DLGAP1: variants seen among roughly 807,000 people sequenced by gnomAD.
DLGAP1 encodes DLG associated protein 1.
A neutral mutation model predicts 90.8 loss-of-function variants in DLGAP1; 11 were observed. The ratio of observed to expected loss-of-function variants is 0.12; its 90% CI spans 0.08 to 0.20. The LOEUF is 0.20. Ranked by LOEUF, DLGAP1 falls within the 10% of genes least tolerant of loss-of-function variation. DLGAP1 has a pLI of 1.00. For synonymous variants in DLGAP1, 558 were observed against 540.7 expected (o/e 1.03, Z -0.44); for missense variants, 1,050 against 1,333.8 (o/e 0.79, Z 3.31).
At chr18:4,337,682 C>G (rs2081100580) in intron 1 of DLGAP1, among the ~76,000 whole-genome samples, 1 of 151,962 alleles carries the variant, frequency 6.6e-6, no homozygotes, top group African/African-American at 2.4e-5. Flanking sequence ...AATTGACCAG[C>G]CGAAACCAAA....
At chr18:4,290,880 T>C (rs1344850653) in intron 1 of DLGAP1, among the ~76,000 whole-genome samples, 3 of 152,180 alleles carry the variant, frequency 2.0e-5, no homozygotes, top group Admixed American at 1.3e-4. Context: ...TCTGGCCACC[T>C]TGATGTGAAG....
intron 3 of DLGAP1, among the ~76,000 whole-genome samples, chr18:3,918,473 T>A (rs567323202): frequency 6.6e-6 from 1 of 151,904 alleles, no homozygotes; most frequent in Non-Finnish European, 1.5e-5. Flanking sequence ...TGAGAAGAGA[T>A]AGAAACCAAC....
intron 1 of DLGAP1, among the ~76,000 whole-genome samples, chr18:4,281,152 T>G (rs1049797430): frequency 6.6e-6 from 1 of 152,254 alleles, no homozygotes; most frequent in Non-Finnish European, 1.5e-5. Flanking sequence ...ATATGTATTT[T>G]ACGTCAATGA....
At chr18:3,802,240 C>A (rs2066339762) in intron 5 of DLGAP1, among the ~76,000 whole-genome samples, 1 of 150,642 alleles carries the variant, frequency 6.6e-6, no homozygotes, top group Non-Finnish European at 1.5e-5. Flanking sequence ...GCCTCGGCCT[C>A]CCAAAGTGTT....
At chr18:3,890,806 G>A (rs2071440115) in intron 3 of DLGAP1, among the ~76,000 whole-genome samples, 1 of 152,146 alleles carries the variant, frequency 6.6e-6, no homozygotes, top group Non-Finnish European at 1.5e-5. Context: ...ATGGCTCACT[G>A]CAGACTTGAA....
intron 1 of DLGAP1, among the ~76,000 whole-genome samples, chr18:4,325,566 A>T (rs1180848990): frequency 6.6e-6 from 1 of 152,196 alleles, no homozygotes; most frequent in African/African-American, 2.4e-5. Context: ...AGGCAATCCT[A>T]AGCAAAATAA....
chr18:4,037,672 C>T (rs1052324394), intron 2 of DLGAP1, among the ~76,000 whole-genome samples: 3 of 152,030 alleles, frequency 2.0e-5, no homozygotes, highest in African/African-American at 4.8e-5. Flanking sequence ...ATTAAATTTA[C>T]CTTTCAGCTG....
At chr18:4,204,376 C>T (rs12963210) in intron 1 of DLGAP1, among the ~76,000 whole-genome samples, 120,267 of 152,164 alleles carry the variant, frequency 0.79, 48,791 homozygotes, top group East Asian at 0.88. Context: ...GCCAAGACAA[C>T]TCAATGGGCA....
intron 5 of DLGAP1, among the ~76,000 whole-genome samples, chr18:3,751,100 C>A (rs1380876407): frequency 6.6e-6 from 1 of 152,192 alleles, no homozygotes; most frequent in Non-Finnish European, 1.5e-5. Context: ...CATTTTGTTA[C>A]ACAGTGGTAC....
In DLGAP1 at chr18:4,040,616, T is replaced by C. The variant is rs2074960112; in HGVS notation, c.-158-35415A>G. On this transcript the variant is annotated intron_variant, in intron 2 of 12. Transcript: ENST00000315677. Reference sequence around the variant, plus strand: ...TTTCCCTGTCACACAAATCTTGACATACCATTAAAAAATTTGAGTGAGGAC... The same window carrying C: ...TTTCCCTGTCACACAAATCTTGACACACCATTAAAAAATTTGAGTGAGGAC... Among the ~76,000 whole-genome samples, 3 of 152,222 alleles carry C rather than the reference T, an allele frequency of 2.0e-5. No homozygotes were observed. The South Asian group carries it at 6.2e-4, about 31-fold the overall frequency.
At chr18:4,114,752 T>C (rs2076033311) in intron 2 of DLGAP1, among the ~76,000 whole-genome samples, 1 of 152,124 alleles carries the variant, frequency 6.6e-6, no homozygotes, top group African/African-American at 2.4e-5. Context: ...GTATGTCGTC[T>C]CATATTTATA....
At chr18:4,104,173 A>T (rs2075823280) in intron 2 of DLGAP1, among the ~76,000 whole-genome samples, 1 of 152,014 alleles carries the variant, frequency 6.6e-6, no homozygotes, top group Admixed American at 6.6e-5. Context: ...TTCAGTAGAA[A>T]TCACCTAACA....
At chr18:4,208,853 A>G (rs2077778975) in intron 1 of DLGAP1, among the ~76,000 whole-genome samples, 2 of 152,080 alleles carry the variant, frequency 1.3e-5, no homozygotes, top group Non-Finnish European at 2.9e-5. Flanking sequence ...GAACAAGCCA[A>G]CTATTTAACT....
chr18:4,324,760 A>G (rs1217370320), intron 1 of DLGAP1, among the ~76,000 whole-genome samples: 1 of 41,878 alleles, frequency 2.4e-5, no homozygotes, highest in African/African-American at 1.9e-4. Context: ...AACTAAAAAC[A>G]AAAACCACAT....
At chr18:3,899,262 G>T (rs558706565) in intron 3 of DLGAP1, among the ~76,000 whole-genome samples, 2 of 152,300 alleles carry the variant, frequency 1.3e-5, no homozygotes, top group Admixed American at 6.5e-5. Flanking sequence ...TGCTGAAGGG[G>T]TTTGCTTCCT....
chr18:4,006,069 C>G lies in DLGAP1; in HGVS notation c.-158-868G>C, dbSNP rs373808321. Among the ~76,000 whole-genome samples the G allele has an allele frequency of 2.6e-5, 4 of 152,300 alleles. No individual in the cohort carries two copies. The South Asian group carries it at 8.3e-4, about 32-fold the overall frequency. Reference sequence around the variant, plus strand: ...AGTCCATTTCACTAGACCATGACAACACTGAGGCCAAGAAATGCTACTCAG... The same window carrying G: ...AGTCCATTTCACTAGACCATGACAAGACTGAGGCCAAGAAATGCTACTCAG... On this transcript the variant is annotated intron_variant, in intron 2 of 12. Transcript: ENST00000315677.
At chr18:4,060,003 C>T (rs927921674) in intron 2 of DLGAP1, among the ~76,000 whole-genome samples, 2 of 152,162 alleles carry the variant, frequency 1.3e-5, no homozygotes, top group Admixed American at 1.3e-4. Context: ...AGGCAAACTG[C>T]CCCAATGGAA....
At chr18:3,561,117 T>A (rs1229267034) in intron 9 of DLGAP1, among the ~76,000 whole-genome samples, 1 of 150,332 alleles carries the variant, frequency 6.7e-6, no homozygotes, top group Non-Finnish European at 1.5e-5. Context: ...TTAGATCAAT[T>A]ACGAATGAGA....
chr18:3,831,006 G>A (rs1396441303), intron 4 of DLGAP1, among the ~76,000 whole-genome samples: 8 of 152,186 alleles, frequency 5.3e-5, no homozygotes, highest in Admixed American at 5.2e-4. Flanking sequence ...CCTCTACCAA[G>A]GGCAGGGAAG....
Sources: gnomAD v4.1 joint callset for allele counts (sites outside exome capture counted in the v4.1 genomes callset) on GRCh38, gnomAD v4.1.1 for gene constraint, MANE v1.5 for transcripts, NCBI Gene and HGNC (gene_info 2026-07-23, HGNC 2026-07-21) for gene names.